DUX4: variants seen among roughly 807,000 people sequenced by gnomAD.
DUX4 encodes double homeobox protein 4.
chr4:190,183,171 A>G lies in DUX4; in HGVS notation n.93-2170A>G, dbSNP rs1237831124. The G allele has an allele frequency of 6.2e-5, 5 of 81,198 alleles. 1 individual carries two copies. In the South Asian group the frequency reaches 2.9e-3, roughly 48 times the overall value. The allele number at this position is 81,198 out of a possible 1,614,324, so 5.0% of individuals were successfully genotyped here. A position where few individuals can be genotyped will look rare whatever the true frequency, so the allele number is the denominator to read the frequency against. ...GTTAGGTTTAGGGTTAGGGTAGTGT[A>G]AATAATTTCACATTATTACTAATAA... On this transcript the variant is annotated intron_variant and non_coding_transcript_variant, in intron 1 of 2. Coordinates refer to the DUX4 transcript ENST00000563716.
chr4:190,178,186 G>A (rs1579833885), downstream of DUX4, among the ~76,000 whole-genome samples: 198 of 148,474 alleles, frequency 1.3e-3, no homozygotes, highest in East Asian at 5.8e-3. Context: ...TACATTACCT[G>A]GGTGATCAGT....
rs1161858778 is a variant in DUX4, at chr4:190,175,786, A to G, written c.*376A>G. 8 of 152,570 alleles carry G rather than the reference A, an allele frequency of 5.2e-5. 3 individuals carry two copies. The highest frequency in any genetic ancestry group is 1.0e-4 in the Non-Finnish European group (8 of 78,352). The allele number at this position is 152,570 out of a possible 1,614,324, so 9.5% of individuals were successfully genotyped here. ...CTAGGCAAACCTGGATTAGAGTTACATCTCCTGGATGATTAGTTCAGAGAT... is the reference window on the plus strand; with the variant it reads ...CTAGGCAAACCTGGATTAGAGTTACGTCTCCTGGATGATTAGTTCAGAGAT... On this transcript the variant is annotated 3_prime_UTR_variant, in exon 2 of 2. Coordinates refer to ENST00000565211, the MANE Select transcript of DUX4 (RefSeq NM_001306068.3).
chr4:190,183,330 C>T (rs1404454643), intron 1 of DUX4: 2 of 108,596 alleles, frequency 1.8e-5, no homozygotes, highest in African/African-American at 5.3e-5. Context: ...AAATCATGGA[C>T]AAAACGGGTC....
At chr4:190,175,974 A>T (rs1451126883), downstream of DUX4, 1 of 109,976 alleles carries the variant, frequency 9.1e-6, no homozygotes, top group African/African-American at 2.7e-5. Flanking sequence ...TAGTAGACTG[A>T]ACCTAGAGAA....
downstream of DUX4, among the ~76,000 whole-genome samples, chr4:190,180,004 TTAAAC>T (rs1742523893): frequency 1.4e-5 from 2 of 144,550 alleles, no homozygotes; most frequent in African/African-American, 5.1e-5. Flanking sequence ...TAGGCAGAGC[TTAAAC>T]TAGAGTTACA....
At chr4:190,177,794 T>C (rs1579833322), downstream of DUX4, among the ~76,000 whole-genome samples, 6 of 150,812 alleles carry the variant, frequency 4.0e-5, no homozygotes, top group Admixed American at 1.3e-4. Flanking sequence ...TGCAGAGTTA[T>C]GTCACAATGC....
chr4:190,175,267 C>T lies in DUX4; in HGVS notation c.*219C>T, dbSNP rs1212879076. ...CTGGGCATCCCGGGGATCCCAGAGCCGGCCCAGGTACCAGCAGGTGGGCCG... is the reference window on the plus strand; with the variant it reads ...CTGGGCATCCCGGGGATCCCAGAGCTGGCCCAGGTACCAGCAGGTGGGCCG... On this transcript the variant is annotated 3_prime_UTR_variant, in exon 1 of 2. Coordinates refer to ENST00000565211, the MANE Select transcript of DUX4 (RefSeq NM_001306068.3). 1.5e-4 allele frequency: 16 copies of T among 106,054 alleles called. No individual in the cohort carries two copies. The highest frequency in any genetic ancestry group is 4.6e-4 in the African/African-American group (13 of 28,172). 6.6% of individuals were successfully genotyped at this position (106,054 alleles called of 1,614,324 possible). A position where few individuals can be genotyped will look rare whatever the true frequency, so the allele number is the denominator to read the frequency against.
At chr4:190,179,552 G>C (rs1742503220), downstream of DUX4, among the ~76,000 whole-genome samples, 5 of 83,520 alleles carry the variant, frequency 6.0e-5, no homozygotes, top group African/African-American at 2.6e-4. Flanking sequence ...ATATCACCTG[G>C]GTGATCAGTG....
chr4:190,175,863 T>C (rs1341843653), downstream of DUX4: 1 of 142,062 alleles, frequency 7.0e-6, no homozygotes, highest in African/African-American at 2.6e-5. Flanking sequence ...GCATCTTTTG[T>C]GTGATGAGTG....
At chr4:190,177,205 G>T (rs1285812404), downstream of DUX4, among the ~76,000 whole-genome samples, 13,601 of 65,378 alleles carry the variant, frequency 0.21, 54 homozygotes, top group Middle Eastern at 0.3. Context: ...TGTAGGCAGA[G>T]CCTAGATGAG....
downstream of DUX4, among the ~76,000 whole-genome samples, chr4:190,179,614 A>C (rs1742506089): frequency 1.3e-5 from 2 of 152,224 alleles, no homozygotes; most frequent in South Asian, 2.1e-4. Flanking sequence ...AAGTTACAGC[A>C]CCTGGGAGAT....
downstream of DUX4, among the ~76,000 whole-genome samples, chr4:190,177,266 T>C (rs1742355926): frequency 6.9e-6 from 1 of 145,064 alleles, no homozygotes; most frequent in Non-Finnish European, 1.5e-5. Flanking sequence ...ATACCCCCTG[T>C]AGGTGGGGCC....
downstream of DUX4, among the ~76,000 whole-genome samples, chr4:190,176,163 A>G (rs1742295146): frequency 8.9e-6 from 1 of 112,278 alleles, no homozygotes; most frequent in Non-Finnish European, 2.1e-5. Context: ...TATCTCACAA[A>G]GCCCCTATAA....
intron 1 of DUX4, among the ~76,000 whole-genome samples, chr4:190,181,668 TGGG>T (rs1742589524): frequency 1.3e-5 from 2 of 151,876 alleles, no homozygotes; most frequent in African/African-American, 4.8e-5. Context: ...TCCCATCACC[TGGG>T]TGATCAGTGC....
chr4:190,175,990 A>C (rs1330005401), downstream of DUX4: 958 of 110,180 alleles, frequency 8.7e-3, 98 homozygotes, highest in African/African-American at 0.023. Flanking sequence ...GAGAATGGTT[A>C]CATCACTTAG....
At position 190,175,770 on chromosome 4, in the gene DUX4, C is replaced by A; in HGVS notation, c.*360C>A. The A allele has an allele frequency of 6.5e-6, 1 of 153,096 alleles. No homozygotes were observed. 9.5% of individuals were successfully genotyped at this position (153,096 alleles called of 1,614,324 possible). A position where few individuals can be genotyped will look rare whatever the true frequency, so the allele number is the denominator to read the frequency against. ...CACCTTCCGACGCTGTCTAGGCAAA[C>A]CTGGATTAGAGTTACATCTCCTGGA... On this transcript the variant is annotated 3_prime_UTR_variant, in exon 2 of 2. Coordinates refer to ENST00000565211, the MANE Select transcript of DUX4 (RefSeq NM_001306068.3).
At chr4:190,179,979 G>T (rs1579836351), downstream of DUX4, among the ~76,000 whole-genome samples, 3 of 151,640 alleles carry the variant, frequency 2.0e-5, no homozygotes, top group Non-Finnish European at 1.5e-5. Flanking sequence ...GCAGAGATCT[G>T]TCACAATGCC....
At chr4:190,179,455 C>G (rs1742494387), downstream of DUX4, among the ~76,000 whole-genome samples, 1 of 151,114 alleles carries the variant, frequency 6.6e-6, no homozygotes. Context: ...ACCCTGTAAG[C>G]AGATCCTAGA....
downstream of DUX4, among the ~76,000 whole-genome samples, chr4:190,177,872 GT>G (rs1742392254): frequency 2.3e-4 from 23 of 100,998 alleles, no homozygotes; most frequent in South Asian, 2.9e-4. Flanking sequence ...ATGTCACAAT[GT>G]CCCTGTAGCC....
Sources: allele counts gnomAD v4.1 joint callset (sites outside exome capture counted in the v4.1 genomes callset), GRCh38; gene constraint gnomAD v4.1.1; transcripts MANE v1.5; gene names NCBI Gene and HGNC (gene_info 2026-07-23, HGNC 2026-07-21).